The following L3MBTL3 variants were observed in gnomAD, a reference collection of about 807,000 sequenced individuals.
L3MBTL3 encodes L3MBTL histone methyl-lysine binding protein 3, also known as lethal(3)malignant brain tumor-like protein 3.
In L3MBTL3, 27 loss-of-function variants were observed where a neutral mutation model predicts 102.3. The ratio of observed to expected loss-of-function variants is 0.26; its 90% CI spans 0.19 to 0.36. L3MBTL3 has a LOEUF of 0.36. Among genes scored for constraint, L3MBTL3 ranks in the 10% least tolerant of loss-of-function variants. The pLI, the probability that L3MBTL3 is intolerant of heterozygous loss-of-function variation, is 1.00. For missense variants in L3MBTL3, 798 were observed against 955.3 expected (o/e 0.84, Z 2.17); for synonymous variants, 340 against 320.9 (o/e 1.06, Z -0.64).
intron 2 of L3MBTL3, among the ~76,000 whole-genome samples, chr6:130,023,532 A>G (rs1779142307): frequency 6.6e-6 from 1 of 152,190 alleles, no homozygotes; most frequent in Middle Eastern, 3.2e-3. Flanking sequence ...ATAGAATGCT[A>G]GAATAGGAAT....
At chr6:130,084,462 T>G (rs1220550785) in intron 15 of L3MBTL3, among the ~76,000 whole-genome samples, 1 of 152,116 alleles carries the variant, frequency 6.6e-6, no homozygotes, top group Non-Finnish European at 1.5e-5. Context: ...TAGAATTAAT[T>G]ATGAGGTATA....
intron 12 of L3MBTL3, among the ~76,000 whole-genome samples, chr6:130,069,669 G>C (rs1459688286): frequency 6.6e-6 from 1 of 152,200 alleles, no homozygotes; most frequent in African/African-American, 2.4e-5. Flanking sequence ...GCAGCCTGCT[G>C]TCTCTGCTCC....
At chr6:130,051,207 C>T (rs1483166977) in intron 5 of L3MBTL3, 42 bp from the exon 6 acceptor site, 1 of 1,534,392 alleles carries the variant, frequency 6.5e-7, no homozygotes, top group Non-Finnish European at 8.9e-7. Flanking sequence ...AGAATGTCTT[C>T]TGTCATGGTT....
intron 10 of L3MBTL3, among the ~76,000 whole-genome samples, chr6:130,062,347 G>A (rs982114429): frequency 4.0e-5 from 6 of 150,462 alleles, no homozygotes; most frequent in African/African-American, 1.5e-4. Context: ...ACTGCATTTT[G>A]TTTTTGACAC....
intron 19 of L3MBTL3, among the ~76,000 whole-genome samples, chr6:130,108,252 T>TTTTTTTG (rs1562318439): frequency 2.0e-5 from 3 of 146,826 alleles, no homozygotes; most frequent in Non-Finnish European, 4.5e-5. Context: ...TTTTTTTTTT[T>TTTTTTTG]TAGATGGAGT....
At chr6:130,022,440 G>T (rs184478011) in intron 2 of L3MBTL3, 135 bp downstream of exon 2, 1 of 152,340 alleles carries the variant, frequency 6.6e-6, no homozygotes, top group African/African-American at 2.4e-5. Flanking sequence ...TTGAATGCAT[G>T]AATGTATTGA....
chr6:130,132,118 G>C lies in L3MBTL3; in HGVS notation c.1967-1334G>C, dbSNP rs531094355. Among the ~76,000 whole-genome samples, 7 of 152,252 alleles carry C rather than the reference G, an allele frequency of 4.6e-5. No individual in the cohort carries two copies. The South Asian group carries it at 1.2e-3, about 27-fold the overall frequency. Reference sequence around the variant, plus strand: ...GCACCAAATTAAAAACAACTCAGATGCTCATTGTTCATGATCTCCAAATAA... The same window carrying C: ...GCACCAAATTAAAAACAACTCAGATCCTCATTGTTCATGATCTCCAAATAA... On this transcript the variant is annotated intron_variant, in intron 20 of 22. Coordinates refer to ENST00000361794, the MANE Select transcript of L3MBTL3 (RefSeq NM_032438.4).
At chr6:130,076,941 A>T (rs1325702094) in intron 13 of L3MBTL3, among the ~76,000 whole-genome samples, 1 of 152,152 alleles carries the variant, frequency 6.6e-6, no homozygotes, top group Non-Finnish European at 1.5e-5. Context: ...CAGATGGTAC[A>T]AGAATGAATG....
chr6:130,060,045 T>C lies in L3MBTL3; in HGVS notation c.769T>C (p.Phe257Leu), dbSNP rs776814409. The change falls in exon 10 of 23, where the codon TTT becomes CTT. Residue 257 changes from phenylalanine to leucine, a missense_variant. This residue lies in a region of L3MBTL3 where 434 missense variants were observed against 506.6 expected (regional missense o/e 0.86). Transcript: ENST00000361794. ...TCATTTTGCATTTTAGCATCAATCC[T>C]TTCCATATAACAAAAATGGATTCAA... The part of the protein sequence containing the change: ...PAKLFKEHQS[F>L]PYNKNGFKVG... 4.4e-6 allele frequency: 7 copies of C among 1,608,790 alleles called. No individual in the cohort carries two copies. The highest frequency in any genetic ancestry group is 6.0e-6 in the Non-Finnish European group (7 of 1,175,236).
intron 13 of L3MBTL3, 24 bp from the exon 14 acceptor site, chr6:130,078,533 GT>G: frequency 6.4e-7 from 1 of 1,563,266 alleles, no homozygotes; most frequent in Non-Finnish European, 8.8e-7. Flanking sequence ...GATAATTGCA[GT>G]TTTTTAATTT....
intron 20 of L3MBTL3, among the ~76,000 whole-genome samples, chr6:130,132,113 C>G (rs563973298): frequency 6.6e-6 from 1 of 152,140 alleles, no homozygotes; most frequent in Non-Finnish European, 1.5e-5. Flanking sequence ...AAAAACAACT[C>G]AGATGCTCAT....
intron 3 of L3MBTL3, among the ~76,000 whole-genome samples, chr6:130,043,346 A>T (rs4895865): frequency 0.47 from 71,242 of 151,656 alleles, 19,335 homozygotes; most frequent in East Asian, 0.76. Flanking sequence ...CCGTCTGCCT[A>T]AGTATAGATG....
At chr6:130,122,728 G>C (rs993858108) in intron 20 of L3MBTL3, among the ~76,000 whole-genome samples, 1 of 152,204 alleles carries the variant, frequency 6.6e-6, no homozygotes, top group African/African-American at 2.4e-5. Flanking sequence ...TTTGTGAATG[G>C]TGGTTTATAA....
chr6:130,040,005 T>C lies in L3MBTL3; in HGVS notation c.-15-2680T>C, dbSNP rs116264331. Among the ~76,000 whole-genome samples the C allele has an allele frequency of 2.3e-3, 343 of 152,314 alleles. 7 individuals carry two copies. The highest frequency in any genetic ancestry group is 7.9e-3 in the African/African-American group (328 of 41,576). ...TTTGGAACCTTACCAATGAACCTTA[T>C]CAATTATGAATCATAATCTGTTACA... On this transcript the variant is annotated intron_variant, in intron 2 of 22. Transcript: ENST00000361794.
intron 2 of L3MBTL3, among the ~76,000 whole-genome samples, chr6:130,029,676 C>T (rs1319516120): frequency 6.6e-6 from 1 of 152,104 alleles, no homozygotes; most frequent in East Asian, 1.9e-4. Flanking sequence ...TCTCTGGACT[C>T]CTGAGAAATT....
At chr6:130,124,315 A>G (rs1464579959) in intron 20 of L3MBTL3, among the ~76,000 whole-genome samples, 1 of 152,162 alleles carries the variant, frequency 6.6e-6, no homozygotes, top group Non-Finnish European at 1.5e-5. Flanking sequence ...GAAGGGCGCA[A>G]AGAATGGCCC....
chr6:130,052,790 G>T, intron 6 of L3MBTL3, 69 bp from the exon 7 acceptor site: 1 of 1,512,026 alleles, frequency 6.6e-7, no homozygotes, highest in Non-Finnish European at 8.9e-7. Context: ...TTGTTGCATT[G>T]ATAATCAACA....
chr6:130,081,565 C>T (rs1350555099), intron 14 of L3MBTL3, among the ~76,000 whole-genome samples: 2 of 149,284 alleles, frequency 1.3e-5, no homozygotes, highest in African/African-American at 2.5e-5. Flanking sequence ...ACTACAGGCA[C>T]GTGTTACCAC....
At chr6:130,114,416 C>CACA (rs1007003195) in intron 19 of L3MBTL3, among the ~76,000 whole-genome samples, 19 of 152,122 alleles carry the variant, frequency 1.2e-4, no homozygotes, top group Non-Finnish European at 1.9e-4. Flanking sequence ...TTCTCTTTTC[C>CACA]ACAACAACAA....
Sources: gnomAD v4.1 joint callset for allele counts (sites outside exome capture counted in the v4.1 genomes callset) on GRCh38, gnomAD v4.1.1 for gene constraint, gnomAD v4.1.1 regional missense constraint, MANE v1.5 for transcripts, NCBI Gene and HGNC (gene_info 2026-07-23, HGNC 2026-07-21) for gene names.